The following MFSD11 variants were observed in gnomAD, a reference collection of about 807,000 sequenced individuals.
MFSD11 encodes the protein UNC93-like protein MFSD11.
MFSD11 carries 36 observed loss-of-function variants against 53.5 expected under a neutral mutation model. The observed-to-expected ratio is 0.67, with a 90% CI of 0.52 to 0.89. The LOEUF (loss-of-function observed/expected upper bound fraction) is 0.89. MFSD11 is among the 40% of genes least tolerant of loss of function. MFSD11 has a pLI of 0.00. For synonymous variants in MFSD11, 186 were observed against 184.9 expected, an observed-to-expected ratio of 1.01 and a Z score of -0.05; for missense variants, 530 against 543.9, an observed-to-expected ratio of 0.97 and a Z score of 0.25.
rs775475789 is a variant in MFSD11 at position 76,738,397 on chromosome 17, A to T, written c.45A>T (p.Gly15=). 11 of 1,614,150 alleles carry T rather than the reference A, an allele frequency of 6.8e-6. No individual in the cohort carries two copies. Among genetic ancestry groups the T allele is most frequent in the Non-Finnish European group, 8.5e-6 (10 of 1,180,006 alleles). Residue 15 remains glycine, a synonymous_variant, in exon 1 of 13, where the codon GGA becomes GGT. Coordinates refer to ENST00000685175, the MANE Select transcript of MFSD11 (RefSeq NM_001242532.5). The part of the protein sequence containing the change: ...SKKLFNIIIL[G]VAFMFMFTAF... ...AGCTTTTCAACATCATTATTTTAGGAGTTGCCTTTATGTTTATGTTCACTG... is the reference window on the plus strand; with the variant it reads ...AGCTTTTCAACATCATTATTTTAGGTGTTGCCTTTATGTTTATGTTCACTG...
At chr17:76,752,685 C>T (rs917201523) in intron 7 of MFSD11, among the ~76,000 whole-genome samples, 1 of 152,126 alleles carries the variant, frequency 6.6e-6, no homozygotes, top group African/African-American at 2.4e-5. Flanking sequence ...CGTGAGCCAC[C>T]ACACCCTGCC....
At chr17:76,737,448 C>G (rs1031590350), upstream of MFSD11, 2 of 390,804 alleles carry the variant, frequency 5.1e-6, no homozygotes, top group East Asian at 8.0e-5. Flanking sequence ...AACGACCCTG[C>G]CGCGCGCCCC....
upstream of MFSD11, chr17:76,737,427 C>T (rs9902624): frequency 0.022 from 8,832 of 401,094 alleles, 499 homozygotes; most frequent in African/African-American, 0.14. Context: ...GCCCACCGCG[C>T]CCCGCTTCGT....
intron 10 of MFSD11, among the ~76,000 whole-genome samples, chr17:76,771,514 C>T (rs2081376413): frequency 6.6e-6 from 1 of 152,190 alleles, no homozygotes; most frequent in African/African-American, 2.4e-5. Flanking sequence ...AGCTTATATT[C>T]TTGAGGAAGA....
At chr17:76,777,993 C>T (rs1453890023) in intron 12 of MFSD11, among the ~76,000 whole-genome samples, 195 bp from the exon 13 acceptor site, 17 of 152,016 alleles carry the variant, frequency 1.1e-4, no homozygotes, top group Non-Finnish European at 2.1e-4. Context: ...TTTTAAATAC[C>T]AGGAACTGTG....
intron 8 of MFSD11, chr17:76,767,115 T>G: frequency 2.9e-6 from 1 of 348,214 alleles, no homozygotes; most frequent in Non-Finnish European, 5.2e-6. Context: ...TTGATTCTAT[T>G]TTTTTTCTTC....
At chr17:76,751,569 G>A (rs558429733) in intron 7 of MFSD11, among the ~76,000 whole-genome samples, 1 of 150,658 alleles carries the variant, frequency 6.6e-6, no homozygotes, top group East Asian at 2.0e-4. Context: ...GCATGGTGGT[G>A]CATGCCTGTA....
chr17:76,792,280 A>G, the MFSD11 span, among the ~76,000 whole-genome samples: 123 of 150,856 alleles, frequency 8.2e-4, no homozygotes, highest in South Asian at 0.013. Context: ...CACCACATCC[A>G]GCTAATTTTT....
Position 76,776,403 on chromosome 17 carries a change from C to T in MFSD11, c.1050-3C>T. ...ATACTAAATTGATTTTTATTTTCTT[C>T]AGCAAAGAAGTTGCCATTCTCTGCA... On this transcript the variant is annotated splice_polypyrimidine_tract_variant and splice_region_variant and intron_variant, in intron 11 of 12. Transcript: ENST00000685175. This position sits in a 1 kb window ranked among gnomAD's most constrained non-coding sequence, Gnocchi z 4.2. The T allele has an allele frequency of 6.2e-7, 1 of 1,611,870 alleles. No homozygotes were observed. The highest frequency in any genetic ancestry group is 8.5e-7 in the Non-Finnish European group (1 of 1,179,384).
At chr17:76,802,071 C>T in the MFSD11 span, among the ~76,000 whole-genome samples, 7 of 151,882 alleles carry the variant, frequency 4.6e-5, no homozygotes, top group Non-Finnish European at 8.8e-5. Context: ...GAGTTCAAGA[C>T]CAGCCTCGCC....
upstream of MFSD11, chr17:76,737,686 T>C (rs2077611327): frequency 5.7e-6 from 1 of 176,970 alleles, no homozygotes. Flanking sequence ...GCCCCTTTTT[T>C]GCTCAGCCGT....
At chr17:76,795,229 C>G in the MFSD11 span, among the ~76,000 whole-genome samples, 4 of 150,312 alleles carry the variant, frequency 2.7e-5, no homozygotes, top group East Asian at 7.9e-4. Context: ...TGCCTGTAAT[C>G]CCAGCACTTT....
rs2077699656 is a variant in MFSD11, at chr17:76,738,332, C to A, written c.-21C>A. 6.3e-7 allele frequency: 1 copy of A among 1,591,146 alleles called. No homozygotes were observed. Among genetic ancestry groups the A allele is most frequent in the African/African-American group, 1.3e-5 (1 of 74,520 alleles). On this transcript the variant is annotated 5_prime_UTR_variant, in exon 1 of 13. Transcript: ENST00000685175. ...AGAGCTGACTGCCCTGGGCTGCTGC[C>A]TCCGGCAGAGCTGAGCCAAAATGTC...
At chr17:76,737,962 C>T, upstream of MFSD11, 1 of 249,478 alleles carries the variant, frequency 4.0e-6, no homozygotes, top group East Asian at 7.2e-5. Flanking sequence ...CGGCCGGCGC[C>T]GCGGCTGCGG....
chr17:76,749,688 G>T (rs1425109314), intron 7 of MFSD11, among the ~76,000 whole-genome samples: 1 of 151,990 alleles, frequency 6.6e-6, no homozygotes, highest in Admixed American at 6.6e-5. Context: ...TCAGGAGATC[G>T]AGACCATCCT....
chr17:76,785,984 A>G (rs1271791733), downstream of MFSD11, among the ~76,000 whole-genome samples: 1 of 148,678 alleles, frequency 6.7e-6, no homozygotes, highest in East Asian at 2.1e-4. Context: ...CTGAGGCACG[A>G]GCATCACTTG....
Position 76,776,212 on chromosome 17 carries a change from C to T in MFSD11, c.1050-194C>T, listed in dbSNP as rs1318975836. On this transcript the variant is annotated intron_variant, in intron 11 of 12. Transcript: ENST00000685175. This position sits in a 1 kb window ranked among gnomAD's most constrained non-coding sequence, Gnocchi z 4.2. ...CAGGCTGGTCTCAAACTCCTGTCTT[C>T]AAGTGATCTGCCCACCTCAGCCTCC... 6.6e-6 allele frequency among the ~76,000 whole-genome samples: 1 copy of T among 152,202 alleles called. No homozygotes were observed.
intron 7 of MFSD11, among the ~76,000 whole-genome samples, chr17:76,753,494 A>T (rs2079254500): frequency 6.6e-6 from 1 of 152,038 alleles, no homozygotes; most frequent in African/African-American, 2.4e-5. Context: ...CAACATGGTG[A>T]GACCCCGTCT....
the MFSD11 span, among the ~76,000 whole-genome samples, chr17:76,795,318 C>A: frequency 1.8e-5 from 1 of 56,088 alleles, no homozygotes; most frequent in African/African-American, 7.4e-5. Context: ...CCTGTTTCTA[C>A]CAAAAAAAAA....
Sources: allele counts gnomAD v4.1 joint callset (sites outside exome capture counted in the v4.1 genomes callset), GRCh38; gene constraint gnomAD v4.1.1; non-coding constraint Gnocchi (gnomAD v3.1); transcripts MANE v1.5; gene names NCBI Gene and HGNC (gene_info 2026-07-23, HGNC 2026-07-21).